The following MGAT4C variants were observed in gnomAD, a reference collection of about 807,000 sequenced individuals.
MGAT4C encodes the protein alpha-1,3-mannosyl-glycoprotein 4-beta-N-acetylglucosaminyltransferase C.
Under a neutral mutation model 40.1 loss-of-function variants are expected in MGAT4C, and 19 were observed. The ratio of observed to expected loss-of-function variants is 0.47; its 90% CI spans 0.33 to 0.70. The LOEUF is 0.70. Among genes scored for constraint, MGAT4C ranks in the 30% least tolerant of loss-of-function variants. The probability of loss-of-function intolerance (pLI) is 0.02; values close to 1 mark genes in which losing one functional copy is unlikely to be tolerated. For missense variants in MGAT4C, 491 were observed against 563.2 expected, an observed-to-expected ratio of 0.87 and a Z score of 1.30; for synonymous variants, 181 against 187.1, an observed-to-expected ratio of 0.97 and a Z score of 0.27.
chr12:86,131,837 G>A (rs1189466844), intron 1 of MGAT4C, among the ~76,000 whole-genome samples: 1 of 151,694 alleles, frequency 6.6e-6, no homozygotes, highest in Non-Finnish European at 1.5e-5. Context: ...TATAACTAAA[G>A]TCTTGGCTAC....
chr12:86,496,725 A>G (rs1487417393), intron 2 of MGAT4C, among the ~76,000 whole-genome samples: 1 of 152,042 alleles, frequency 6.6e-6, no homozygotes, highest in African/African-American at 2.4e-5. Context: ...AACACTGACT[A>G]TGAAAAACAC....
intron 2 of MGAT4C, among the ~76,000 whole-genome samples, chr12:86,047,885 C>T (rs186036440): frequency 1.3e-5 from 2 of 152,026 alleles, no homozygotes; most frequent in East Asian, 3.9e-4. Flanking sequence ...CTTCAAGTCT[C>T]GCCTCAAAGA....
intron 2 of MGAT4C, among the ~76,000 whole-genome samples, chr12:86,451,802 ATTAT>A (rs1565772535): frequency 6.6e-6 from 1 of 152,048 alleles, no homozygotes; most frequent in African/African-American, 2.4e-5. Flanking sequence ...CACTTACTGA[ATTAT>A]TTATTATGGT....
At chr12:86,050,098 T>C (rs2136964952) in intron 1 of MGAT4C, among the ~76,000 whole-genome samples, 1 of 152,134 alleles carries the variant, frequency 6.6e-6, no homozygotes, top group South Asian at 2.1e-4. Context: ...CATAAAGTTA[T>C]TTTCCTTAAG....
intron 3 of MGAT4C, among the ~76,000 whole-genome samples, chr12:86,431,799 T>C (rs1476648298): frequency 1.3e-5 from 2 of 152,130 alleles, no homozygotes; most frequent in African/African-American, 4.8e-5. Context: ...CATAACACCT[T>C]CGCACCATTG....
chr12:86,381,570 T>G (rs1340903596), intron 3 of MGAT4C, among the ~76,000 whole-genome samples: 2 of 152,162 alleles, frequency 1.3e-5, no homozygotes, highest in Non-Finnish European at 2.9e-5. Context: ...CTTTCCCACC[T>G]AATACCTTCA....
At chr12:86,664,626 C>T (rs1964058751) in intron 2 of MGAT4C, among the ~76,000 whole-genome samples, 1 of 151,440 alleles carries the variant, frequency 6.6e-6, no homozygotes, top group South Asian at 2.1e-4. Context: ...GATTTCCAGA[C>T]GTTGATTACT....
chr12:86,755,102 G>C (rs557500039), intron 1 of MGAT4C, among the ~76,000 whole-genome samples: 1 of 152,106 alleles, frequency 6.6e-6, no homozygotes, highest in Non-Finnish European at 1.5e-5. Flanking sequence ...ACAATCAGTT[G>C]ACTTTAACAT....
At chr12:86,554,133 TACACAC>T (rs5799783) in intron 2 of MGAT4C, among the ~76,000 whole-genome samples, 79 of 149,296 alleles carry the variant, frequency 5.3e-4, no homozygotes, top group Admixed American at 1.3e-3. Flanking sequence ...TACACATACA[TACACAC>T]ACACACACAC....
chr12:86,312,381 T>C (rs1205431855), intron 4 of MGAT4C, among the ~76,000 whole-genome samples: 1 of 152,170 alleles, frequency 6.6e-6, no homozygotes, highest in Non-Finnish European at 1.5e-5. Flanking sequence ...CTATCACTCT[T>C]TGTTGTTAAC....
intron 1 of MGAT4C, among the ~76,000 whole-genome samples, chr12:86,066,794 T>C (rs1192140097): frequency 6.6e-5 from 10 of 152,050 alleles, no homozygotes; most frequent in Admixed American, 6.6e-5. Flanking sequence ...TGGGAGAGAA[T>C]TGTTGCAATC....
intron 1 of MGAT4C, among the ~76,000 whole-genome samples, chr12:86,188,832 T>C (rs553699138): frequency 6.6e-6 from 1 of 152,100 alleles, no homozygotes; most frequent in South Asian, 2.1e-4. Context: ...ATAAAATTAC[T>C]TAATGAATAT....
chr12:85,989,272 A>G, intron 3 of MGAT4C, 128 bp downstream of exon 3: 2 of 707,838 alleles, frequency 2.8e-6, no homozygotes, highest in Non-Finnish European at 4.3e-6. Flanking sequence ...GACAATATAC[A>G]TGTTATAATT....
chr12:86,079,538 T>C (rs1269514137), intron 1 of MGAT4C, among the ~76,000 whole-genome samples: 1 of 152,082 alleles, frequency 6.6e-6, no homozygotes, highest in Non-Finnish European at 1.5e-5. Flanking sequence ...TTGGTCATCA[T>C]TAAGTATCAC....
At chr12:86,435,652 C>T (rs1302492343) in intron 2 of MGAT4C, among the ~76,000 whole-genome samples, 1 of 151,844 alleles carries the variant, frequency 6.6e-6, no homozygotes, top group African/African-American at 2.4e-5. Context: ...ATTATTAAGT[C>T]TCTTTCATTT....
intron 2 of MGAT4C, among the ~76,000 whole-genome samples, chr12:86,622,955 A>G (rs781650376): frequency 6.6e-6 from 1 of 152,172 alleles, no homozygotes; most frequent in Non-Finnish European, 1.5e-5. Flanking sequence ...TATAAAAAAC[A>G]AAACTCCCAG....
intron 2 of MGAT4C, among the ~76,000 whole-genome samples, chr12:86,578,501 C>A (rs1960651052): frequency 6.6e-6 from 1 of 151,736 alleles, no homozygotes. Flanking sequence ...AGGTCCCGGG[C>A]TTTTCTTTGC....
intron 2 of MGAT4C, among the ~76,000 whole-genome samples, chr12:86,502,732 G>T (rs1958375251): frequency 7.2e-6 from 1 of 139,266 alleles, no homozygotes; most frequent in Non-Finnish European, 1.5e-5. Context: ...CACGAGTTCT[G>T]CTCATATATA....
At chr12:86,341,399 C>T (rs1011389006) in intron 3 of MGAT4C, among the ~76,000 whole-genome samples, 1 of 152,138 alleles carries the variant, frequency 6.6e-6, no homozygotes. Context: ...AACCATGGAG[C>T]CTTAGATACT....
Sources: allele counts gnomAD v4.1 joint callset (sites outside exome capture counted in the v4.1 genomes callset), GRCh38; gene constraint gnomAD v4.1.1; transcripts MANE v1.5; gene names NCBI Gene and HGNC (gene_info 2026-07-23, HGNC 2026-07-21).